AHCYL2: variants seen among roughly 807,000 people sequenced by gnomAD.
AHCYL2 encodes the protein adenosylhomocysteinase like 2.
Under a neutral mutation model 81.4 loss-of-function variants are expected in AHCYL2, and 28 were observed. The observed-to-expected ratio is 0.34, with a 90% confidence interval of 0.25 to 0.47. The LOEUF (loss-of-function observed/expected upper bound fraction) is 0.47. Among genes scored for constraint, AHCYL2 ranks in the 20% least tolerant of loss-of-function variants. The pLI, the probability that AHCYL2 is intolerant of heterozygous loss-of-function variation, is 1.00. For missense variants in AHCYL2, 551 were observed against 785.1 expected (o/e 0.70, Z 3.56); for synonymous variants, 272 against 290.2 (o/e 0.94, Z 0.64).
In AHCYL2 at chr7:129,422,943, G is replaced by A. The variant is rs1241460029; in HGVS notation, c.1560+5G>A. ...AGGATAGTACTGCTGGCAGAGGTAA[G>A]GCTGAGACTGGCAAAAATACTCCCC... On this transcript the variant is annotated splice_donor_5th_base_variant and intron_variant, in intron 13 of 16. Transcript: ENST00000325006. 4 of 1,613,518 alleles carry A rather than the reference G, an allele frequency of 2.5e-6. No individual in the cohort carries two copies. The highest frequency in any genetic ancestry group is 3.4e-6 in the Non-Finnish European group (4 of 1,179,716).
chr7:129,273,547 C>T (rs1287540941), intron 1 of AHCYL2, among the ~76,000 whole-genome samples: 2 of 151,706 alleles, frequency 1.3e-5, no homozygotes, highest in African/African-American at 2.4e-5. Context: ...AGGCTCGTCT[C>T]GAACTCCCGA....
Position 129,269,199 on chromosome 7 carries a change from T to C in AHCYL2, c.363+43760T>C, listed in dbSNP as rs1457217714. The stretch of plus-strand genomic sequence containing the variant: ...GTGGTGTGGCACGATGATGGCCCAG[T>C]GCAGCCTCAACCTCCCAGGCTCAAG... On this transcript the variant is annotated intron_variant, in intron 1 of 16. Transcript: ENST00000325006. 2.0e-5 allele frequency among the ~76,000 whole-genome samples: 3 copies of C among 150,792 alleles called. No individual in the cohort carries two copies. The East Asian group carries it at 5.8e-4, about 29-fold the overall frequency.
At chr7:129,268,671 C>T (rs779013596) in intron 1 of AHCYL2, among the ~76,000 whole-genome samples, 13 of 152,112 alleles carry the variant, frequency 8.5e-5, no homozygotes, top group Admixed American at 2.6e-4. Context: ...TTCTTGGGAA[C>T]GACATTAATG....
Position 129,340,437 on chromosome 7 carries a change from A to G in AHCYL2, c.364-39201A>G, listed in dbSNP as rs528828539. Among the ~76,000 whole-genome samples the G allele has an allele frequency of 4.2e-3, 641 of 151,392 alleles. 3 individuals carry two copies. Among genetic ancestry groups the G allele is most frequent in the Middle Eastern group, 0.01 (3 of 290 alleles). ...AAAAAAATTAGCCGGGCGTGGTGGCAGTTGCCTATAGTCCCAGCTACTCCG... is the reference window on the plus strand; with the variant it reads ...AAAAAAATTAGCCGGGCGTGGTGGCGGTTGCCTATAGTCCCAGCTACTCCG... On this transcript the variant is annotated intron_variant, in intron 1 of 16. Transcript: ENST00000325006.
chr7:129,316,365 A>AT (rs561034720), intron 1 of AHCYL2, among the ~76,000 whole-genome samples: 110 of 152,356 alleles, frequency 7.2e-4, no homozygotes, highest in African/African-American at 2.5e-3. Flanking sequence ...GAGAAGAATT[A>AT]TTTAGCCTGG....
chr7:129,319,262 C>A (rs1797931201), intron 1 of AHCYL2, among the ~76,000 whole-genome samples: 1 of 152,156 alleles, frequency 6.6e-6, no homozygotes, highest in Non-Finnish European at 1.5e-5. Flanking sequence ...TCAAGACCAA[C>A]CTGGGCAACA....
intron 1 of AHCYL2, among the ~76,000 whole-genome samples, chr7:129,349,599 C>T (rs1793483232): frequency 7.3e-6 from 1 of 136,692 alleles, no homozygotes; most frequent in Non-Finnish European, 1.5e-5. Context: ...TTGTAGTGAG[C>T]TGAGATGGCA....
chr7:129,374,527 G>T (rs1794577745), intron 1 of AHCYL2, among the ~76,000 whole-genome samples: 2 of 151,408 alleles, frequency 1.3e-5, no homozygotes, highest in South Asian at 4.2e-4. Context: ...AAATCTGCCG[G>T]CTGGGTACAG....
At chr7:129,360,504 T>C (rs59339989) in intron 1 of AHCYL2, among the ~76,000 whole-genome samples, 5 of 152,246 alleles carry the variant, frequency 3.3e-5, no homozygotes, top group Admixed American at 6.5e-5. Flanking sequence ...ATAGGACATA[T>C]AACTTCTGTT....
At chr7:129,268,391 A>C (rs1414921418) in intron 1 of AHCYL2, among the ~76,000 whole-genome samples, 1 of 152,118 alleles carries the variant, frequency 6.6e-6, no homozygotes, top group Non-Finnish European at 1.5e-5. Flanking sequence ...TCTGTTGCCC[A>C]GGCTGGAGTG....
chr7:129,254,296 A>G (rs1444075471), intron 1 of AHCYL2, among the ~76,000 whole-genome samples: 2 of 152,220 alleles, frequency 1.3e-5, no homozygotes, highest in Admixed American at 1.3e-4. Flanking sequence ...TAATGGACAG[A>G]AAGAAGAAAA....
At chr7:129,371,111 G>A (rs1042293845) in intron 1 of AHCYL2, among the ~76,000 whole-genome samples, 1 of 152,092 alleles carries the variant, frequency 6.6e-6, no homozygotes. Flanking sequence ...GAAAAAAACC[G>A]TTGCTCCAGC....
intron 2 of AHCYL2, among the ~76,000 whole-genome samples, chr7:129,387,934 T>A (rs575022474): frequency 3.3e-5 from 5 of 152,330 alleles, no homozygotes; most frequent in African/African-American, 1.2e-4. Context: ...TGTAGTGCCA[T>A]GCCTGATTAA....
At chr7:129,253,032 C>T (rs901800632) in intron 1 of AHCYL2, among the ~76,000 whole-genome samples, 2 of 151,986 alleles carry the variant, frequency 1.3e-5, no homozygotes, top group Non-Finnish European at 1.5e-5. Context: ...GATGGTGAAA[C>T]CCTGTCTCTA....
At chr7:129,276,908 A>C (rs1796229702) in intron 1 of AHCYL2, among the ~76,000 whole-genome samples, 1 of 152,164 alleles carries the variant, frequency 6.6e-6, no homozygotes, top group African/African-American at 2.4e-5. Flanking sequence ...ATATCTACAA[A>C]TACAGCATAG....
intron 10 of AHCYL2, among the ~76,000 whole-genome samples, 186 bp from the exon 11 acceptor site, chr7:129,409,290 G>A (rs902683357): frequency 8.5e-5 from 13 of 152,178 alleles, no homozygotes; most frequent in East Asian, 5.8e-4. Flanking sequence ...AATAAGTTCC[G>A]TGATGCAAAC....
intron 10 of AHCYL2, among the ~76,000 whole-genome samples, chr7:129,408,472 A>G (rs755432221): frequency 1.1e-4 from 16 of 152,212 alleles, no homozygotes; most frequent in Non-Finnish European, 1.9e-4. Context: ...TTGGATGAAC[A>G]GTGATGCTAT....
At chr7:129,362,612 T>G (rs896341530) in intron 1 of AHCYL2, among the ~76,000 whole-genome samples, 14 of 146,054 alleles carry the variant, frequency 9.6e-5, no homozygotes, top group African/African-American at 2.3e-4. Context: ...TTTTTTTTTT[T>G]TTTTTTTTTT....
intron 2 of AHCYL2, among the ~76,000 whole-genome samples, chr7:129,380,556 T>C (rs1330269455): frequency 6.6e-6 from 1 of 152,238 alleles, no homozygotes; most frequent in African/African-American, 2.4e-5. Context: ...TAATATTTGT[T>C]ATATAAAGTT....
Sources: gnomAD v4.1 joint callset for allele counts (sites outside exome capture counted in the v4.1 genomes callset) on GRCh38, gnomAD v4.1.1 for gene constraint, MANE v1.5 for transcripts, NCBI Gene and HGNC (gene_info 2026-07-23, HGNC 2026-07-21) for gene names.